The following LHX1 variants were observed in gnomAD, a reference collection of about 807,000 sequenced individuals.
LHX1 encodes LIM homeobox 1, also known as LIM/homeobox protein Lhx1.
LHX1 carries 9 observed loss-of-function variants against 34.1 expected under a neutral mutation model. The observed-to-expected ratio is 0.26, with a 90% CI of 0.16 to 0.46. The LOEUF is 0.46. Ranked by LOEUF, LHX1 falls within the 20% of genes least tolerant of loss-of-function variation. The pLI is 1.00. For missense variants in LHX1, 446 were observed against 559.1 expected (o/e 0.80, Z 2.04); for synonymous variants, 254 against 241.5 (o/e 1.05, Z -0.48).
rs776512687 is a variant in LHX1, at chr17:36,942,315, G to C, written c.791G>C (p.Arg264Pro). 1 of 1,592,206 alleles carries C rather than the reference G, an allele frequency of 6.3e-7. No homozygotes were observed. The highest frequency in any genetic ancestry group is 8.5e-7 in the Non-Finnish European group (1 of 1,170,688). ...SPRRMRPLVD[R>P]LEPGELIPNG... ...CGCCGGATGCGGCCGCTGGTGGACC[G>C]CCTGGAGCCGGGCGAGCTCATCCCC... Residue 264 changes from arginine to proline, a missense_variant, in exon 4 of 5, where the codon CGC (arginine) becomes CCC (proline). By Grantham distance (103) the Arg-to-Pro change is moderately radical. This residue lies in a region of LHX1 where 235 missense variants were observed against 224.4 expected (regional missense o/e 1.05). Coordinates refer to ENST00000614239, the MANE Select transcript of LHX1 (RefSeq NM_005568.5).
Position 36,940,628 on chromosome 17 carries a change from C to A in LHX1, c.416C>A (p.Pro139His), listed in dbSNP as rs77646323. Reference sequence around the variant, plus strand: ...CTCTTAGCCACCACGGGCAGTGACCCCAGTTTGTCTCCGGATTCCCAAGAC... The same window carrying A: ...CTCTTAGCCACCACGGGCAGTGACCACAGTTTGTCTCCGGATTCCCAAGAC... Reference protein sequence around the residue: ...SLHSATTGSDPSLSPDSQDPS... With the variant: ...SLHSATTGSDHSLSPDSQDPS... The change falls in exon 3 of 5, where the codon CCC (proline) becomes CAC (histidine). Residue 139 changes from proline (P) to histidine (H), a missense_variant. By Grantham distance (77) the Pro-to-His change is moderately conservative. This residue lies in a region of LHX1 where 168 missense variants were observed against 226.6 expected (regional missense o/e 0.74). Transcript: ENST00000614239. 8.6e-4 allele frequency: 1,394 copies of A among 1,613,840 alleles called. 11 individuals carry two copies. The African/African-American group carries it at 0.017, about 19-fold the overall frequency.
intron 2 of LHX1, 42 bp downstream of exon 2, chr17:36,940,558 TG>T: frequency 6.2e-7 from 1 of 1,613,632 alleles, no homozygotes; most frequent in Non-Finnish European, 8.5e-7. Flanking sequence ...AAGCGGGTCC[TG>T]GGGGAGGAAG....
Position 36,937,482 on chromosome 17 carries a change from C to A in LHX1, c.-716C>A. ...CAACAACAGCAATCAACACCAAGAT[C>A]TTCCTCCTACCCTCCCCTCTTTCCC... On this transcript the variant is annotated 5_prime_UTR_variant, in exon 1 of 5. Coordinates refer to ENST00000614239, the MANE Select transcript of LHX1 (RefSeq NM_005568.5). 3.1e-6 allele frequency: 1 copy of A among 325,020 alleles called. No homozygotes were observed. The highest frequency in any genetic ancestry group is 2.2e-5 in the South Asian group (1 of 44,604). 20.1% of individuals were successfully genotyped at this position (325,020 alleles called of 1,614,324 possible). A position where few individuals can be genotyped will look rare whatever the true frequency, so the allele number is the denominator to read the frequency against.
chr17:36,942,445 G>T, intron 4 of LHX1, 80 bp downstream of exon 4: 1 of 1,416,414 alleles, frequency 7.1e-7, no homozygotes, highest in Non-Finnish European at 9.7e-7. Flanking sequence ...GGGGGGGCAC[G>T]CCTCGCTCTC....
At chr17:36,938,413 C>G in intron 1 of LHX1, 46 bp downstream of exon 1, 2 of 1,589,284 alleles carry the variant, frequency 1.3e-6, no homozygotes, top group Non-Finnish European at 1.7e-6. Context: ...CCCCGCGGGC[C>G]CTTCCCGGCC....
intron 3 of LHX1, 68 bp downstream of exon 3, chr17:36,940,955 C>A (rs779857217): frequency 7.4e-5 from 114 of 1,535,502 alleles, no homozygotes; most frequent in Non-Finnish European, 9.3e-5. Context: ...CCAGGCCGAG[C>A]CAGGAGAGCC....
Position 36,938,144 on chromosome 17 carries a change from G to T in LHX1, c.-54G>T. ...GATTGTCTTCAGGAGTCATCCCCTG[G>T]GCTCTACTTTGCCCCTCTCTCTCTC... is the stretch of plus-strand genomic sequence containing the variant. On this transcript the variant is annotated 5_prime_UTR_variant, in exon 1 of 5. Transcript: ENST00000614239. 6.4e-7 allele frequency: 1 copy of T among 1,574,268 alleles called. No individual in the cohort carries two copies. Among genetic ancestry groups the T allele is most frequent in the Non-Finnish European group, 8.7e-7 (1 of 1,145,834 alleles).
In LHX1 at chr17:36,943,350, G is replaced by C; in HGVS notation, c.*219G>C. 1.8e-6 allele frequency: 1 copy of C among 560,472 alleles called. No individual in the cohort carries two copies. Among genetic ancestry groups the C allele is most frequent in the East Asian group, 3.1e-5 (1 of 31,866 alleles). The allele number at this position is 560,472 out of a possible 1,614,324, so 34.7% of individuals were successfully genotyped here. A position where few individuals can be genotyped will look rare whatever the true frequency, so the allele number is the denominator to read the frequency against. ...TGGGATCCGCGCACTGGCTGTCGACGTGCAGAACTGGGGCTCCCCAAAGGA... is the reference window on the plus strand; with the variant it reads ...TGGGATCCGCGCACTGGCTGTCGACCTGCAGAACTGGGGCTCCCCAAAGGA... On this transcript the variant is annotated 3_prime_UTR_variant, in exon 5 of 5. Transcript: ENST00000614239.
intron 3 of LHX1, among the ~76,000 whole-genome samples, chr17:36,941,779 G>C (rs949162650): frequency 3.9e-5 from 6 of 152,344 alleles, no homozygotes; most frequent in South Asian, 2.1e-4. Flanking sequence ...ATCATAGGCT[G>C]TTTCTGTGTC....
Position 36,938,021 on chromosome 17 carries a change from C to G in LHX1, c.-177C>G. 1 of 649,866 alleles carries G rather than the reference C, an allele frequency of 1.5e-6. No homozygotes were observed. The highest frequency in any genetic ancestry group is 2.7e-6 in the Non-Finnish European group (1 of 371,060). The allele number at this position is 649,866 out of a possible 1,614,324, so 40.3% of individuals were successfully genotyped here. ...AGACGCCCCCCCAGGCCCCGATCAG[C>G]CTCGTTTCCTCCACCCTACTTTGAT... is the stretch of plus-strand genomic sequence containing the variant. On this transcript the variant is annotated 5_prime_UTR_variant, in exon 1 of 5. Coordinates refer to ENST00000614239, the MANE Select transcript of LHX1 (RefSeq NM_005568.5).
In LHX1 at chr17:36,943,141, G is replaced by T. The variant is rs754566332; in HGVS notation, c.*10G>T. 1 of 1,611,558 alleles carries T rather than the reference G, an allele frequency of 6.2e-7. No individual in the cohort carries two copies. Among genetic ancestry groups the T allele is most frequent in the Non-Finnish European group, 8.5e-7 (1 of 1,179,614 alleles). ...GGCGGCCGTGTGGTAGCGGGGTCTC[G>T]CACGGTCTGCGGAGTTCGTGGTTGT... On this transcript the variant is annotated 3_prime_UTR_variant, in exon 5 of 5. Transcript: ENST00000614239.
upstream of LHX1, chr17:36,937,302 C>T: frequency 4.7e-6 from 2 of 425,158 alleles, no homozygotes; most frequent in South Asian, 1.7e-5. Context: ...GAGGGTCGCC[C>T]TGAGGACACG....
chr17:36,941,175 G>C, intron 3 of LHX1: 1 of 688,706 alleles, frequency 1.5e-6, no homozygotes, highest in South Asian at 1.5e-5. Flanking sequence ...TCTGGAGAGA[G>C]TGGGGAGCCC....
chr17:36,941,073 T>C (rs572983434), intron 3 of LHX1, 186 bp downstream of exon 3: 7 of 931,708 alleles, frequency 7.5e-6, no homozygotes, highest in Non-Finnish European at 1.2e-5. Context: ...ATCTAGAAAG[T>C]CCTCTTCCCA....
At chr17:36,941,896 C>T (rs2070767302) in intron 3 of LHX1, among the ~76,000 whole-genome samples, 1 of 152,148 alleles carries the variant, frequency 6.6e-6, no homozygotes, top group African/African-American at 2.4e-5. Flanking sequence ...TGTACAGCCC[C>T]AGAGAAGCGG....
intron 1 of LHX1, among the ~76,000 whole-genome samples, chr17:36,939,721 GGCCCC>G (rs2070751633): frequency 6.6e-6 from 1 of 152,210 alleles, no homozygotes; most frequent in Non-Finnish European, 1.5e-5. Context: ...GCGTGGCGGC[GGCCCC>G]GCTAAGGCTA....
intron 1 of LHX1, 25 bp from the exon 2 acceptor site, chr17:36,940,265 G>GCCCCCCC (rs764010633): frequency 3.0e-6 from 1 of 328,474 alleles, no homozygotes; most frequent in Admixed American, 4.2e-5. Flanking sequence ...CCCCGCCCCC[G>GCCCCCCC]CCCCCCACCC....
chr17:36,940,493 C>T lies in LHX1; in HGVS notation c.374C>T (p.Ala125Val). 1 of 1,613,998 alleles carries T rather than the reference C, an allele frequency of 6.2e-7. No homozygotes were observed. Among genetic ancestry groups the T allele is most frequent in the African/African-American group, 1.3e-5 (1 of 75,060 alleles). The change falls in exon 2 of 5, where the codon GCC becomes GTC. Residue 125 changes from alanine (A) to valine (V), a missense_variant. Ala to Val is a moderately conservative substitution (Grantham distance 64). This residue lies in a region of LHX1 where 168 missense variants were observed against 226.6 expected (regional missense o/e 0.74). Coordinates refer to ENST00000614239, the MANE Select transcript of LHX1 (RefSeq NM_005568.5). Reference sequence around the variant, plus strand: ...GATTACCTAAGTAACAGCAGTGTTGCCAAAGAGAACAGCCTTCACTCGGGT... The same window carrying T: ...GATTACCTAAGTAACAGCAGTGTTGTCAAAGAGAACAGCCTTCACTCGGGT... ...KEDYLSNSSVAKENSLHSATT... is the reference protein window; with the variant it reads ...KEDYLSNSSVVKENSLHSATT...
chr17:36,937,850 G>T lies in LHX1; in HGVS notation c.-348G>T. ...TTTATTTATTTCCGTTCCCGCCGCC[G>T]TTCTCGCTGACCTTCACTCCTCCGC... is the stretch of plus-strand genomic sequence containing the variant. On this transcript the variant is annotated 5_prime_UTR_variant, in exon 1 of 5. Transcript: ENST00000614239. The T allele has an allele frequency of 1.7e-6, 1 of 577,250 alleles. No individual in the cohort carries two copies. The highest frequency in any genetic ancestry group is 1.5e-5 in the South Asian group (1 of 65,466). 35.8% of individuals were successfully genotyped at this position (577,250 alleles called of 1,614,324 possible).
Sources: gnomAD v4.1 joint callset for allele counts (sites outside exome capture counted in the v4.1 genomes callset) on GRCh38, gnomAD v4.1.1 for gene constraint, gnomAD v4.1.1 regional missense constraint, MANE v1.5 for transcripts, NCBI Gene and HGNC (gene_info 2026-07-23, HGNC 2026-07-21) for gene names.